Variants in TANK observed in about 807,000 individuals in gnomAD.
The protein encoded by TANK is TRAF family member-associated NF-kappa-B activator.
Under a neutral mutation model 43.6 loss-of-function variants are expected in TANK, and 15 were observed. The ratio of observed to expected loss-of-function variants is 0.34; its 90% CI spans 0.23 to 0.53. TANK has a LOEUF of 0.53. Ranked by LOEUF, TANK falls within the 20% of genes least tolerant of loss-of-function variation. The pLI, the probability that TANK is intolerant of heterozygous loss-of-function variation, is 0.94. For missense variants in TANK, 417 were observed against 498.6 expected (o/e 0.84, Z 1.56); for synonymous variants, 162 against 178.2 (o/e 0.91, Z 0.73).
chr2:161,195,567 G>A (rs534042223), intron 2 of TANK, among the ~76,000 whole-genome samples: 5 of 152,194 alleles, frequency 3.3e-5, no homozygotes, highest in African/African-American at 1.2e-4. Flanking sequence ...GTAGGGACTT[G>A]GAGACCATAT....
chr2:161,138,615 C>A (rs3820998), intron 1 of TANK, among the ~76,000 whole-genome samples: 17,481 of 152,128 alleles, frequency 0.11, 1,730 homozygotes, highest in African/African-American at 0.26. Flanking sequence ...AAGCAGTTAG[C>A]TTCAGAGCCG....
chr2:161,164,542 A>G (rs1292573277), intron 1 of TANK, among the ~76,000 whole-genome samples: 1 of 152,192 alleles, frequency 6.6e-6, no homozygotes. Context: ...ATATGAAATG[A>G]ACTACCTTTT....
In TANK at chr2:161,188,243, C is replaced by G. The variant is rs189211455; in HGVS notation, c.99+8482C>G. 2.0e-3 allele frequency among the ~76,000 whole-genome samples: 308 copies of G among 151,760 alleles called. 2 individuals are homozygous for G. Among genetic ancestry groups the G allele is most frequent in the African/African-American group, 7.2e-3 (298 of 41,396 alleles). On this transcript the variant is annotated intron_variant, in intron 2 of 7. Transcript: ENST00000392749. ...ATAGAAAAACAATAGAGAAAAACAACGAAAACAAGTGTTGACTATTTGAAA... is the reference window on the plus strand; with the variant it reads ...ATAGAAAAACAATAGAGAAAAACAAGGAAAACAAGTGTTGACTATTTGAAA...
rs754025092 is a variant in TANK, at chr2:161,231,027, CT to C, written c.578del (p.Leu193ArgfsTer10). 6.2e-7 allele frequency: 1 copy of C among 1,614,136 alleles called. No individual in the cohort carries two copies. Among genetic ancestry groups the C allele is most frequent in the South Asian group, 1.1e-5 (1 of 91,082 alleles). ...GGATAAAACAGATAAACAAGAAGCG[CT>C]GTTTAAGCCTCAGGCTAAAGATGAT... ...CTDKTDKQEA[L>X]FKPQAKDDIN... On this transcript the variant is annotated frameshift_variant, in exon 7 of 8. Transcript: ENST00000392749. LOFTEE classifies it high-confidence loss of function.
intron 1 of TANK, among the ~76,000 whole-genome samples, chr2:161,169,443 T>A (rs1442433612): frequency 6.6e-6 from 1 of 152,202 alleles, no homozygotes; most frequent in Admixed American, 6.5e-5. Context: ...AAAAATTAGA[T>A]ATAACTGTAT....
At chr2:161,141,208 A>C (rs938182652) in intron 1 of TANK, among the ~76,000 whole-genome samples, 4 of 152,182 alleles carry the variant, frequency 2.6e-5, no homozygotes, top group African/African-American at 9.7e-5. Context: ...ACTATTAAGC[A>C]GTTGTTCTGC....
chr2:161,167,348 G>A (rs1684729727), intron 1 of TANK, among the ~76,000 whole-genome samples: 1 of 152,178 alleles, frequency 6.6e-6, no homozygotes, highest in African/African-American at 2.4e-5. Flanking sequence ...TACACTGTCA[G>A]CCTCAGTGCA....
Position 161,170,843 on chromosome 2 carries a change from T to C in TANK, c.-49-8771T>C, listed in dbSNP as rs376346429. Reference sequence around the variant, plus strand: ...ACCAAGCCTGTCTAGACTGGACATGTATTGTATACTTCAACTCTGATTTTA... The same window carrying C: ...ACCAAGCCTGTCTAGACTGGACATGCATTGTATACTTCAACTCTGATTTTA... On this transcript the variant is annotated intron_variant, in intron 1 of 7. Coordinates refer to ENST00000392749, the MANE Select transcript of TANK (RefSeq NM_001199135.3). Among the ~76,000 whole-genome samples the C allele has an allele frequency of 2.6e-5, 4 of 152,320 alleles. No homozygotes were observed. The East Asian group carries it at 7.7e-4, about 29-fold the overall frequency.
rs1028322787 is a variant in TANK, at chr2:161,174,090, T to G, written c.-49-5524T>G. Among the ~76,000 whole-genome samples the G allele has an allele frequency of 9.8e-5, 15 of 152,294 alleles. No individual in the cohort carries two copies. The South Asian group carries it at 1.2e-3, about 13-fold the overall frequency. Reference sequence around the variant, plus strand: ...AGGAACAAATAACATATCTTATATATATGGTCTCACTGAAGTTTTACTTAA... The same window carrying G: ...AGGAACAAATAACATATCTTATATAGATGGTCTCACTGAAGTTTTACTTAA... On this transcript the variant is annotated intron_variant, in intron 1 of 7. Transcript: ENST00000392749.
upstream of TANK, among the ~76,000 whole-genome samples, chr2:161,158,467 A>T (rs1237763515): frequency 6.6e-6 from 1 of 152,230 alleles, no homozygotes. Context: ...CATACAGGGG[A>T]ATTATGCAGC....
intron 1 of TANK, among the ~76,000 whole-genome samples, chr2:161,172,784 G>A (rs1468252763): frequency 1.3e-5 from 2 of 152,090 alleles, no homozygotes; most frequent in Admixed American, 6.6e-5. Context: ...CTGCCCTCTT[G>A]TCTATTGTGC....
At position 161,179,733 on chromosome 2, in the gene TANK, A is replaced by C; in HGVS notation, c.71A>C (p.Asp24Ala). Residue 24 changes from aspartate to alanine, a missense_variant, in exon 2 of 8, where the codon GAT (aspartate) becomes GCT (alanine). Transcript: ENST00000392749. Reference sequence around the variant, plus strand: ...TTCCGGCAGGCATGCATGGATAGAGATTCTGCAGTAAAAGAATTACAGCAA... The same window carrying C: ...TTCCGGCAGGCATGCATGGATAGAGCTTCTGCAGTAAAAGAATTACAGCAA... Reference protein sequence around the residue: ...EAFRQACMDRDSAVKELQQKT... With the variant: ...EAFRQACMDRASAVKELQQKT... 1 of 1,612,320 alleles carries C rather than the reference A, an allele frequency of 6.2e-7. No individual in the cohort carries two copies. Among genetic ancestry groups the C allele is most frequent in the Non-Finnish European group, 8.5e-7 (1 of 1,179,042 alleles).
Position 161,204,785 on chromosome 2 carries a change from C to T in TANK, c.319C>T (p.Leu107=), listed in dbSNP as rs200680388. The part of the protein sequence containing the change: ...KVISGIAREK[L]PKVRRQEVSS... ...GATTTCAGGAATAGCAAGAGAAAAACTACCAAAGGTAGACATTGCTTCTGC... is the reference window on the plus strand; with the variant it reads ...GATTTCAGGAATAGCAAGAGAAAAATTACCAAAGGTAGACATTGCTTCTGC... Residue 107 remains leucine, a synonymous_variant, in exon 4 of 8, where the codon CTA becomes TTA. Transcript: ENST00000392749. The T allele has an allele frequency of 6.2e-7, 1 of 1,605,876 alleles. No individual in the cohort carries two copies. Among genetic ancestry groups the T allele is most frequent in the African/African-American group, 1.3e-5 (1 of 74,286 alleles).
Position 161,223,053 on chromosome 2 carries a change from C to T in TANK, c.328-862C>T, listed in dbSNP as rs1273019333. On this transcript the variant is annotated intron_variant, in intron 4 of 7. Coordinates refer to ENST00000392749, the MANE Select transcript of TANK (RefSeq NM_001199135.3). ...TTCCATTTATAATAGCTACAATGAC[C>T]TTAATTGAATAAAATCTAAATGTCA... The T allele has an allele frequency of 5.9e-5, 9 of 152,038 alleles. No individual in the cohort carries two copies. The East Asian group carries it at 1.7e-3, about 29-fold the overall frequency. The allele number at this position is 152,038 out of a possible 1,614,324, so 9.4% of individuals were successfully genotyped here.
At chr2:161,223,674 T>C (rs1687466314) in intron 4 of TANK, 2 of 303,734 alleles carry the variant, frequency 6.6e-6, no homozygotes, top group East Asian at 5.6e-5. Context: ...GAAATAGTAA[T>C]TGAAGTTACC....
intron 4 of TANK, among the ~76,000 whole-genome samples, chr2:161,213,654 T>C (rs1315883628): frequency 6.6e-6 from 1 of 151,784 alleles, no homozygotes; most frequent in Non-Finnish European, 1.5e-5. Flanking sequence ...TTTTTTTTTT[T>C]TTCAGTGTTA....
intron 1 of TANK, among the ~76,000 whole-genome samples, chr2:161,172,074 A>G (rs1198703828): frequency 6.6e-6 from 1 of 152,152 alleles, no homozygotes; most frequent in Non-Finnish European, 1.5e-5. Flanking sequence ...CTGTTATTTA[A>G]CAGCATAGAA....
chr2:161,178,041 A>G (rs1685246907), intron 1 of TANK, among the ~76,000 whole-genome samples: 1 of 152,128 alleles, frequency 6.6e-6, no homozygotes, highest in South Asian at 2.1e-4. Flanking sequence ...ATGTGGAGAA[A>G]TTGGAACCCT....
rs76659815 is a variant in TANK at position 161,231,637 on chromosome 2, A to T, written c.1101+86A>T. 1.9e-3 allele frequency: 2,298 copies of T among 1,230,708 alleles called. 34 individuals are homozygous for T. In the African/African-American group the frequency reaches 0.031, roughly 17 times the overall value. 76.2% of individuals were successfully genotyped at this position (1,230,708 alleles called of 1,614,324 possible). A position where few individuals can be genotyped will look rare whatever the true frequency, so the allele number is the denominator to read the frequency against. ...CACAGATATGCATCTCTTTTACGTT[A>T]TCAAACATCCTTTTTAAACTACTGA... is the stretch of plus-strand genomic sequence containing the variant. On this transcript the variant is annotated intron_variant, in intron 7 of 7. Transcript: ENST00000392749.
Sources: gnomAD v4.1 joint callset for allele counts (sites outside exome capture counted in the v4.1 genomes callset) on GRCh38, gnomAD v4.1.1 for gene constraint, MANE v1.5 for transcripts, NCBI Gene and HGNC (gene_info 2026-07-23, HGNC 2026-07-21) for gene names.